NRP1: variants seen among roughly 807,000 people sequenced by gnomAD.
NRP1 encodes the protein neuropilin-1.
NRP1 carries 35 observed loss-of-function variants against 106.7 expected under a neutral mutation model. The ratio of observed to expected loss-of-function variants is 0.33; its 90% CI spans 0.25 to 0.43. The LOEUF (loss-of-function observed/expected upper bound fraction) is 0.43, where lower values mean the gene tolerates loss of function less well. Ranked by LOEUF, NRP1 falls within the 20% of genes least tolerant of loss-of-function variation. The pLI, the probability that NRP1 is intolerant of heterozygous loss-of-function variation, is 1.00. For synonymous variants in NRP1, 437 were observed against 417.9 expected (o/e 1.05, Z -0.56); for missense variants, 1,024 against 1,170.4 (o/e 0.87, Z 1.83).
intron 4 of NRP1, among the ~76,000 whole-genome samples, chr10:33,258,429 C>T (rs1442453616): frequency 6.6e-6 from 1 of 152,212 alleles, no homozygotes. Flanking sequence ...ACCCCTCACT[C>T]TCCCTCCAGG....
At chr10:33,287,750 A>G (rs1294587761) in intron 2 of NRP1, among the ~76,000 whole-genome samples, 1 of 152,200 alleles carries the variant, frequency 6.6e-6, no homozygotes, top group Non-Finnish European at 1.5e-5. Flanking sequence ...AAGGAATGGC[A>G]TAGACAGAGT....
chr10:33,204,283 T>C (rs956918614), intron 10 of NRP1, among the ~76,000 whole-genome samples: 15 of 152,078 alleles, frequency 9.9e-5, no homozygotes, highest in Admixed American at 8.5e-4. Flanking sequence ...TTACGGCACA[T>C]GGAGAAACAG....
chr10:33,252,217 T>G (rs1309352050), intron 6 of NRP1, among the ~76,000 whole-genome samples: 1 of 151,024 alleles, frequency 6.6e-6, no homozygotes, highest in Admixed American at 6.6e-5. Context: ...TGGAGAAGAG[T>G]CCAGGAGAAA....
At chr10:33,267,913 G>C (rs756061259) in intron 3 of NRP1, among the ~76,000 whole-genome samples, 1 of 152,088 alleles carries the variant, frequency 6.6e-6, no homozygotes, top group African/African-American at 2.4e-5. Context: ...AATGCAACCC[G>C]GGGACTCTGG....
chr10:33,197,894 TTA>T (rs1049039217), intron 11 of NRP1, among the ~76,000 whole-genome samples, 185 bp from the exon 12 acceptor site: 9 of 146,362 alleles, frequency 6.1e-5, no homozygotes, highest in African/African-American at 2.3e-4. Context: ...AAATAAACCA[TTA>T]TTTTTTTTTT....
At chr10:33,327,085 G>A (rs1847944302) in intron 2 of NRP1, among the ~76,000 whole-genome samples, 1 of 152,062 alleles carries the variant, frequency 6.6e-6, no homozygotes, top group African/African-American at 2.4e-5. Flanking sequence ...ATGTGCTAAG[G>A]CATCGATTTC....
intron 13 of NRP1, 62 bp downstream of exon 13, chr10:33,192,219 A>G: frequency 6.4e-7 from 1 of 1,562,990 alleles, no homozygotes; most frequent in Non-Finnish European, 8.7e-7. Flanking sequence ...CCTCCCAGTA[A>G]CACAGCCTCG....
intron 6 of NRP1, among the ~76,000 whole-genome samples, chr10:33,230,597 A>ATGTGTGTG (rs10558085): frequency 3.5e-5 from 5 of 144,584 alleles, no homozygotes; most frequent in African/African-American, 7.6e-5. Context: ...TTTCTCATAT[A>ATGTGTGTG]TGTGTGTGTG....
chr10:33,323,336 G>C (rs1275537709), intron 2 of NRP1, among the ~76,000 whole-genome samples: 2 of 152,110 alleles, frequency 1.3e-5, no homozygotes, highest in Admixed American at 6.5e-5. Context: ...AGAAGATCTA[G>C]CAATAAAGAC....
intron 2 of NRP1, among the ~76,000 whole-genome samples, chr10:33,290,598 A>G (rs867266046): frequency 2.0e-4 from 30 of 152,250 alleles, no homozygotes; most frequent in African/African-American, 6.5e-4. Context: ...TATTCTGTGC[A>G]AGGTTTCTTG....
At chr10:33,207,288 A>G (rs1837863114) in intron 10 of NRP1, among the ~76,000 whole-genome samples, 1 of 151,988 alleles carries the variant, frequency 6.6e-6, no homozygotes, top group South Asian at 2.1e-4. Flanking sequence ...TTTATGTTCT[A>G]TGAATTTCAA....
At chr10:33,332,862 G>A (rs1248113276) in intron 1 of NRP1, among the ~76,000 whole-genome samples, 1 of 140,364 alleles carries the variant, frequency 7.1e-6, no homozygotes, top group Non-Finnish European at 1.5e-5. Flanking sequence ...CCAGATTTCT[G>A]CTAAGAAAAC....
intron 2 of NRP1, among the ~76,000 whole-genome samples, chr10:33,304,649 A>G (rs939214110): frequency 6.6e-6 from 1 of 152,076 alleles, no homozygotes; most frequent in African/African-American, 2.4e-5. Context: ...TCTCTGGGGG[A>G]TGAAATGAGA....
intron 2 of NRP1, among the ~76,000 whole-genome samples, chr10:33,278,385 G>A (rs1247151865): frequency 6.6e-6 from 1 of 152,068 alleles, no homozygotes; most frequent in Non-Finnish European, 1.5e-5. Context: ...TTGGACACAA[G>A]CCACAGAGCT....
intron 5 of NRP1, among the ~76,000 whole-genome samples, chr10:33,255,466 T>C (rs1421798474): frequency 6.6e-6 from 1 of 152,170 alleles, no homozygotes; most frequent in Non-Finnish European, 1.5e-5. Context: ...TTTTTGTTGT[T>C]GTTCTTGAGA....
At chr10:33,272,219 A>T (rs999908431) in intron 2 of NRP1, among the ~76,000 whole-genome samples, 25 of 152,230 alleles carry the variant, frequency 1.6e-4, no homozygotes, top group African/African-American at 6.0e-4. Context: ...TCTCTAAATT[A>T]AAAATGACAT....
chr10:33,305,873 A>T (rs567904722), intron 2 of NRP1, among the ~76,000 whole-genome samples: 141 of 151,864 alleles, frequency 9.3e-4, no homozygotes, highest in African/African-American at 3.2e-3. Context: ...GGTTCAAGAG[A>T]TTCTTCTGCC....
chr10:33,204,765 CTT>C (rs982231675), intron 10 of NRP1, among the ~76,000 whole-genome samples: 153 of 152,188 alleles, frequency 1.0e-3, no homozygotes, highest in African/African-American at 3.3e-3. Context: ...GAGTTTCACT[CTT>C]GTCACCCAGG....
intron 2 of NRP1, 101 bp from the exon 3 acceptor site, chr10:33,270,957 GA>G (rs925904573): frequency 2.9e-5 from 30 of 1,018,222 alleles, no homozygotes; most frequent in East Asian, 1.7e-4. Context: ...GTGCCAGGAA[GA>G]AAAAAAAGTT....
Sources: allele counts gnomAD v4.1 joint callset (sites outside exome capture counted in the v4.1 genomes callset), GRCh38; gene constraint gnomAD v4.1.1; transcripts MANE v1.5; gene names NCBI Gene and HGNC (gene_info 2026-07-23, HGNC 2026-07-21).